Variants in TKT observed in about 807,000 individuals in gnomAD.
TKT encodes transketolase, also known as epididymis luminal protein 107.
TKT carries 47 observed loss-of-function variants against 63.9 expected under a neutral mutation model. The ratio of observed to expected loss-of-function variants is 0.74; its 90% CI spans 0.58 to 0.94. The LOEUF is 0.94. TKT is among the 40% of genes least tolerant of loss of function. TKT has a pLI of 0.00. For synonymous variants in TKT, 338 were observed against 334.1 expected, an observed-to-expected ratio of 1.01 and a Z score of -0.13; for missense variants, 721 against 846.2, an observed-to-expected ratio of 0.85 and a Z score of 1.84.
chr3:53,238,941 G>C (rs1253220775), intron 4 of TKT, among the ~76,000 whole-genome samples: 6 of 152,198 alleles, frequency 3.9e-5, no homozygotes, highest in African/African-American at 1.2e-4. Context: ...ACATGGTTAG[G>C]CTCTGGGTCC....
chr3:53,241,115 C>G lies in TKT; in HGVS notation c.339+17G>C. On this transcript the variant is annotated intron_variant, in intron 3 of 13. Coordinates refer to ENST00000462138, the MANE Select transcript of TKT (RefSeq NM_001064.4). ...AGTGGAGGCAGAGGCATGGGAGGCT[C>G]TGGCAGGAGCACTTACCGGGACCGG... The G allele has an allele frequency of 6.5e-7, 1 of 1,540,708 alleles. No homozygotes were observed. Among genetic ancestry groups the G allele is most frequent in the Non-Finnish European group, 8.7e-7 (1 of 1,152,588 alleles).
chr3:53,237,453 A>C (rs1259225647), intron 4 of TKT, among the ~76,000 whole-genome samples: 7 of 151,754 alleles, frequency 4.6e-5, no homozygotes, highest in African/African-American at 1.7e-4. Flanking sequence ...AAAGCTCATG[A>C]TAGAAGGCTT....
rs782166648 is a variant in TKT, at chr3:53,228,111, G to C, written c.1518C>G (p.Ile506Met). ...LKSKDDQVTV[I>M]GAGVTLHEAL... ...CCTCGTGCAGGGTCACCCCAGCCCCGATAACGGTCACCTGGTCATCCTTGC... is the reference window on the plus strand; with the variant it reads ...CCTCGTGCAGGGTCACCCCAGCCCCCATAACGGTCACCTGGTCATCCTTGC... Residue 506 changes from isoleucine to methionine, a missense_variant, in exon 12 of 14, where the codon ATC (isoleucine) becomes ATG (methionine). Coordinates refer to ENST00000462138, the MANE Select transcript of TKT (RefSeq NM_001064.4). The C allele has an allele frequency of 2.5e-6, 4 of 1,613,832 alleles. No homozygotes were observed. The African/African-American group carries it at 4.0e-5, about 16-fold the overall frequency.
chr3:53,231,872 C>T, intron 6 of TKT: 1 of 362,520 alleles, frequency 2.8e-6, no homozygotes, highest in Non-Finnish European at 5.0e-6. Context: ...TGTGTCCATT[C>T]TCTTCCTCCC....
intron 8 of TKT, among the ~76,000 whole-genome samples, 186 bp from the exon 9 acceptor site, chr3:53,229,622 G>A (rs782455403): frequency 2.5e-4 from 38 of 152,152 alleles, no homozygotes; most frequent in Non-Finnish European, 3.7e-4. Context: ...CCTGGGGTCC[G>A]AGGGCAGCAG....
At chr3:53,247,063 C>CT (rs67337269) in intron 1 of TKT, among the ~76,000 whole-genome samples, 7,440 of 145,966 alleles carry the variant, frequency 0.051, 208 homozygotes, top group Non-Finnish European at 0.067. Context: ...TATGCATATA[C>CT]TTTTTTTTTT....
Position 53,225,938 on chromosome 3 carries a change from A to T in TKT, c.1697-7T>A. 6.2e-7 allele frequency: 1 copy of T among 1,603,496 alleles called. No homozygotes were observed. The highest frequency in any genetic ancestry group is 8.5e-7 in the Non-Finnish European group (1 of 1,173,250). ...ACAGCCTCACCAATGCCACCTAGAA[A>T]TGAAAGGAGGGGAGTCAGAAGACGA... On this transcript the variant is annotated splice_polypyrimidine_tract_variant and splice_region_variant and intron_variant, in intron 13 of 13. Transcript: ENST00000462138.
intron 5 of TKT, chr3:53,234,743 C>T (rs1244850852): frequency 4.9e-6 from 2 of 410,546 alleles, no homozygotes; most frequent in Admixed American, 8.6e-5. Context: ...GCTCCGAGAG[C>T]CACCATGCCA....
Position 53,244,064 on chromosome 3 carries a change from A to G in TKT, c.108-1822T>C, listed in dbSNP as rs182844249. Reference sequence around the variant, plus strand: ...AAGCACACCCAGGCCCAGATAGAGTAAACGTGGAGAGAGGAAGGTCAGCTG... The same window carrying G: ...AAGCACACCCAGGCCCAGATAGAGTGAACGTGGAGAGAGGAAGGTCAGCTG... On this transcript the variant is annotated intron_variant, in intron 1 of 13. Coordinates refer to ENST00000462138, the MANE Select transcript of TKT (RefSeq NM_001064.4). Among the ~76,000 whole-genome samples the G allele has an allele frequency of 4.5e-3, 692 of 152,312 alleles. 6 individuals carry two copies. Among genetic ancestry groups the G allele is most frequent in the African/African-American group, 0.016 (653 of 41,574 alleles).
At chr3:53,231,071 G>A (rs994206370) in intron 7 of TKT, among the ~76,000 whole-genome samples, 1 of 152,206 alleles carries the variant, frequency 6.6e-6, no homozygotes, top group East Asian at 1.9e-4. Context: ...GTGGACCAGC[G>A]ATGCAAGAAC....
intron 1 of TKT, among the ~76,000 whole-genome samples, chr3:53,246,862 A>G (rs1705530326): frequency 6.6e-6 from 1 of 151,908 alleles, no homozygotes; most frequent in African/African-American, 2.4e-5. Flanking sequence ...AAAAAAAAAA[A>G]AAAGGAAAAC....
chr3:53,230,751 C>T, intron 7 of TKT, 130 bp from the exon 8 acceptor site: 1 of 1,136,906 alleles, frequency 8.8e-7, no homozygotes, highest in Non-Finnish European at 1.2e-6. Flanking sequence ...CAAGGTCCTG[C>T]AGAGGCTTTT....
chr3:53,232,987 C>T, intron 6 of TKT, 169 bp downstream of exon 6: 2 of 610,952 alleles, frequency 3.3e-6, no homozygotes, highest in Non-Finnish European at 5.7e-6. Flanking sequence ...TAAATCCTGG[C>T]TCAGCCACAG....
Position 53,226,113 on chromosome 3 carries a change from A to T in TKT, c.1697-182T>A, listed in dbSNP as rs1177578821. On this transcript the variant is annotated intron_variant, in intron 13 of 13. Transcript: ENST00000462138. The stretch of plus-strand genomic sequence containing the variant: ...TTTTATTTTAAAGAGACAGACAGGT[A>T]TCACCATGTTGCCCAGGCTGGTCTC... The T allele has an allele frequency of 5.5e-6, 3 of 547,466 alleles. No homozygotes were observed. The East Asian group carries it at 9.4e-5, about 17-fold the overall frequency. The allele number at this position is 547,466 out of a possible 1,614,324, so 33.9% of individuals were successfully genotyped here. A position where few individuals can be genotyped will look rare whatever the true frequency, so the allele number is the denominator to read the frequency against.
At chr3:53,235,300 A>G (rs1264730812) in intron 4 of TKT, 126 bp from the exon 5 acceptor site, 1 of 895,498 alleles carries the variant, frequency 1.1e-6, no homozygotes, top group African/African-American at 1.7e-5. Flanking sequence ...TGCAGAACAG[A>G]TGGCATTTAC....
At chr3:53,247,234 G>A (rs1553681047) in intron 1 of TKT, among the ~76,000 whole-genome samples, 3 of 150,466 alleles carry the variant, frequency 2.0e-5, no homozygotes, top group Non-Finnish European at 4.4e-5. Flanking sequence ...GTGGGTGCCT[G>A]TAATCCCAGC....
At chr3:53,252,517 T>C (rs1553681777) in intron 1 of TKT, among the ~76,000 whole-genome samples, 2 of 152,218 alleles carry the variant, frequency 1.3e-5, no homozygotes, top group African/African-American at 2.4e-5. Context: ...ATTTTACATA[T>C]CCTTTTTTTC....
rs143812206 is a variant in TKT, at chr3:53,229,118, C to T, written c.1284G>A (p.Gln428=). Reference sequence around the variant, plus strand: ...ACATAGCCAGATCTTCTAGGGCCATCTGGGAGGGCCCGTCTTCCCCTGGGG... The same window carrying T: ...ACATAGCCAGATCTTCTAGGGCCATTTGGGAGGGCCCGTCTTCCCCTGGGG... ...GVSIGEDGPS[Q]MALEDLAMFR... Residue 428 remains glutamine (Q), a synonymous_variant, in exon 10 of 14, where the codon CAG becomes CAA. Coordinates refer to ENST00000462138, the MANE Select transcript of TKT (RefSeq NM_001064.4). The T allele has an allele frequency of 1.8e-3, 2,835 of 1,614,186 alleles. 9 individuals are homozygous for T. Among genetic ancestry groups the T allele is most frequent in the Non-Finnish European group, 2.2e-3 (2,581 of 1,180,012 alleles).
intron 1 of TKT, among the ~76,000 whole-genome samples, chr3:53,249,174 T>G (rs1451077041): frequency 6.0e-3 from 1 of 168 alleles, no homozygotes; most frequent in Non-Finnish European, 0.016. Context: ...TTTCACCATG[T>G]TGGCTGGGCT....
Sources: allele counts gnomAD v4.1 joint callset (sites outside exome capture counted in the v4.1 genomes callset), GRCh38; gene constraint gnomAD v4.1.1; transcripts MANE v1.5; gene names NCBI Gene and HGNC (gene_info 2026-07-23, HGNC 2026-07-21).